The following COL11A1 variants were observed in gnomAD, a reference collection of about 807,000 sequenced individuals.
COL11A1 encodes collagen type XI alpha 1 chain.
COL11A1 carries 74 observed loss-of-function variants against 265.2 expected under a neutral mutation model. The ratio of observed to expected loss-of-function variants is 0.28; its 90% CI spans 0.23 to 0.34. The LOEUF (loss-of-function observed/expected upper bound fraction) is 0.34, where lower values mean the gene tolerates loss of function less well. Among genes scored for constraint, COL11A1 ranks in the 10% least tolerant of loss-of-function variants. The probability of loss-of-function intolerance (pLI) is 1.00; values close to 1 mark genes in which losing one functional copy is unlikely to be tolerated. For synonymous variants in COL11A1, 816 were observed against 727.6 expected (o/e 1.12, Z -1.96); for missense variants, 2,165 against 2,263.6 (o/e 0.96, Z 0.88).
rs868116129 is a variant in COL11A1 at position 102,940,349 on chromosome 1, G to T, written c.3362C>A (p.Ser1121Tyr). 1.9e-6 allele frequency: 3 copies of T among 1,613,712 alleles called. No individual in the cohort carries two copies. The highest frequency in any genetic ancestry group is 2.5e-6 in the Non-Finnish European group (3 of 1,179,864). Residue 1121 changes from serine to tyrosine, a missense_variant, in exon 43 of 67, where the codon TCC (serine) becomes TAC (tyrosine). Transcript: ENST00000370096. ...AACCTTGTCTCCGTCTTCCCCAGGGGAGCCGGCAGGACCAGCTGGCCCTGG... is the reference window on the plus strand; with the variant it reads ...AACCTTGTCTCCGTCTTCCCCAGGGTAGCCGGCAGGACCAGCTGGCCCTGG... ...GLPGPAGPAGSPGEDGDKGEI... is the reference protein window; with the variant it reads ...GLPGPAGPAGYPGEDGDKGEI...
At chr1:103,051,468 G>A (rs1182849463) in intron 4 of COL11A1, among the ~76,000 whole-genome samples, 2 of 152,202 alleles carry the variant, frequency 1.3e-5, no homozygotes, top group Non-Finnish European at 1.5e-5. Context: ...CAGTATTAGG[G>A]TGGGAGTGAC....
chr1:103,035,289 C>A (rs1668278036), intron 4 of COL11A1, among the ~76,000 whole-genome samples: 1 of 151,936 alleles, frequency 6.6e-6, no homozygotes, highest in Non-Finnish European at 1.5e-5. Flanking sequence ...TTAAGCTGAT[C>A]CCCTTTTGAT....
intron 54 of COL11A1, among the ~76,000 whole-genome samples, chr1:102,910,593 T>C (rs146304295): frequency 1.3e-5 from 2 of 152,284 alleles, no homozygotes; most frequent in African/African-American, 4.8e-5. Context: ...TATACTTGTA[T>C]GATGATTATC....
chr1:102,966,391 T>A (rs1661406650), intron 37 of COL11A1, among the ~76,000 whole-genome samples: 1 of 152,184 alleles, frequency 6.6e-6, no homozygotes, highest in African/African-American at 2.4e-5. Flanking sequence ...GGGTAGGAAC[T>A]AGCAGTCTCA....
rs756299328 is a variant in COL11A1 at position 103,025,513 on chromosome 1, C to T, written c.990+8G>A. 29 of 1,574,610 alleles carry T rather than the reference C, an allele frequency of 1.8e-5. No homozygotes were observed. Among genetic ancestry groups the T allele is most frequent in the East Asian group, 4.5e-5 (2 of 44,626 alleles). On this transcript the variant is annotated splice_region_variant and intron_variant, in intron 7 of 66. Transcript: ENST00000370096. Reference sequence around the variant, plus strand: ...GGACTGTGATTTAATACTGTCTATACGTATTACCTCATTTGTCCCAGAAAC... The same window carrying T: ...GGACTGTGATTTAATACTGTCTATATGTATTACCTCATTTGTCCCAGAAAC...
chr1:102,979,237 T>C, intron 32 of COL11A1, 133 bp from the exon 33 acceptor site: 2 of 1,238,484 alleles, frequency 1.6e-6, no homozygotes, highest in South Asian at 1.2e-5. Flanking sequence ...ACAGACTTGC[T>C]ATGCTGCCCA....
chr1:103,002,331 A>G, intron 23 of COL11A1, 97 bp downstream of exon 23: 1 of 1,063,788 alleles, frequency 9.4e-7, no homozygotes. Context: ...AAATATTGCT[A>G]GGACTACATA....
intron 4 of COL11A1, 105 bp from the exon 5 acceptor site, chr1:103,031,349 A>T (rs1331574509): frequency 2.2e-6 from 3 of 1,342,500 alleles, no homozygotes; most frequent in Non-Finnish European, 3.1e-6. Context: ...ATATTTGAAG[A>T]AGAAAAATGA....
intron 57 of COL11A1, 110 bp downstream of exon 57, chr1:102,898,015 T>C: frequency 1.8e-6 from 1 of 570,028 alleles, no homozygotes; most frequent in Non-Finnish European, 3.0e-6. Context: ...CTTGGACTAT[T>C]AGAAAAAATA....
chr1:103,030,855 C>T (rs1667928013), intron 5 of COL11A1: 1 of 422,264 alleles, frequency 2.4e-6, no homozygotes, highest in Non-Finnish European at 4.4e-6. Flanking sequence ...CTCACCCCCT[C>T]CAAAATGGAA....
chr1:103,076,946 A>G (rs564020704), intron 3 of COL11A1, among the ~76,000 whole-genome samples: 5 of 152,244 alleles, frequency 3.3e-5, no homozygotes, highest in Admixed American at 3.3e-4. Context: ...GTGCTTAAAT[A>G]CCAATATTTT....
rs1032894405 is a variant in COL11A1, at chr1:102,912,180, T to C, written c.4065A>G (p.Pro1355=). 6 of 1,611,508 alleles carry C rather than the reference T, an allele frequency of 3.7e-6. No individual in the cohort carries two copies. Among genetic ancestry groups the C allele is most frequent in the Non-Finnish European group, 5.1e-6 (6 of 1,178,960 alleles). The stretch of plus-strand genomic sequence containing the variant: ...TTACTCGTTTTCCAGGAGGACCTGG[T>C]GGGCCAGCCTCACCAGATGGGCCAG... ...GPPGPSGEAG[P]PGPPGKRGPP... Residue 1355 remains proline, a synonymous_variant, in exon 54 of 67, where the codon CCA becomes CCG. Transcript: ENST00000370096.
intron 1 of COL11A1, among the ~76,000 whole-genome samples, chr1:103,106,327 A>G (rs944345063): frequency 3.9e-5 from 6 of 152,186 alleles, no homozygotes; most frequent in Admixed American, 2.6e-4. Context: ...ATAATTTTCA[A>G]TAAATAGCTG....
At chr1:103,019,264 T>C (rs1308225581) in intron 9 of COL11A1, among the ~76,000 whole-genome samples, 1 of 151,936 alleles carries the variant, frequency 6.6e-6, no homozygotes, top group Non-Finnish European at 1.5e-5. Context: ...AATGAAAGAA[T>C]GGAAAATAAG....
intron 36 of COL11A1, among the ~76,000 whole-genome samples, chr1:102,973,475 G>T (rs947307585): frequency 1.3e-5 from 2 of 152,062 alleles, no homozygotes; most frequent in African/African-American, 4.8e-5. Context: ...AACATAAATG[G>T]TACAATACTG....
At chr1:102,934,329 AC>A in intron 46 of COL11A1, 119 bp downstream of exon 46, 1 of 698,358 alleles carries the variant, frequency 1.4e-6, no homozygotes, top group African/African-American at 1.8e-5. Flanking sequence ...TTATGGATAA[AC>A]ATTGTACCCA....
rs534926019 is a variant in COL11A1, at chr1:102,928,116, ATACTTT to A, written c.3601-4733_3601-4728del. ...CTAATATCTTACTTTTTTTTTTATT[ATACTTT>A]AAGTTTTAGGGTACATGTGCACATT... is the stretch of plus-strand genomic sequence containing the variant. On this transcript the variant is annotated intron_variant, in intron 46 of 66. Coordinates refer to ENST00000370096, the MANE Select transcript of COL11A1 (RefSeq NM_001854.4). Among the ~76,000 whole-genome samples, 100 of 151,312 alleles carry A rather than the reference ATACTTT, an allele frequency of 6.6e-4. 1 individual carries two copies. The East Asian group carries it at 8.5e-3, about 13-fold the overall frequency.
At chr1:102,884,641 A>AAT (rs764903593) in intron 63 of COL11A1, 2 of 152,218 alleles carry the variant, frequency 1.3e-5, no homozygotes, top group Non-Finnish European at 2.9e-5. Flanking sequence ...CAGGAAACAA[A>AAT]ATGTGTGTGT....
chr1:103,012,436 G>C lies in COL11A1; in HGVS notation c.1606C>G (p.Leu536Val). ...ALRGPPGPMG[L>V]TGRPGPVGGP... ...ACCACAGGACCTGGTCTTCCAGTTA[G>C]ACCCATTGGGCCAGGTGGGCCTCTC... is the stretch of plus-strand genomic sequence containing the variant. The change falls in exon 14 of 67, where the codon CTA (leucine) becomes GTA (valine). Residue 536 changes from leucine (L) to valine (V), a missense_variant. Leu to Val is a conservative substitution (Grantham distance 32). Coordinates refer to ENST00000370096, the MANE Select transcript of COL11A1 (RefSeq NM_001854.4). 1 of 1,613,470 alleles carries C rather than the reference G, an allele frequency of 6.2e-7. No homozygotes were observed. The highest frequency in any genetic ancestry group is 8.5e-7 in the Non-Finnish European group (1 of 1,179,536).
Sources: gnomAD v4.1 joint callset for allele counts (sites outside exome capture counted in the v4.1 genomes callset) on GRCh38, gnomAD v4.1.1 for gene constraint, MANE v1.5 for transcripts, NCBI Gene and HGNC (gene_info 2026-07-23, HGNC 2026-07-21) for gene names.